The following MEF2A variants were observed in gnomAD, a reference collection of about 807,000 sequenced individuals.
The protein encoded by MEF2A is myocyte-specific enhancer factor 2A.
A neutral mutation model predicts 55.8 loss-of-function variants in MEF2A; 28 were observed. The observed-to-expected ratio is 0.50, with a 90% confidence interval of 0.37 to 0.69. The LOEUF (loss-of-function observed/expected upper bound fraction) is 0.69, where lower values mean the gene tolerates loss of function less well. Among genes scored for constraint, MEF2A ranks in the 30% least tolerant of loss-of-function variants. MEF2A has a pLI of 0.00. For synonymous variants in MEF2A, 239 were observed against 227.1 expected, an observed-to-expected ratio of 1.05 and a Z score of -0.47; for missense variants, 528 against 626.2, an observed-to-expected ratio of 0.84 and a Z score of 1.67.
chr15:99,645,958 G>C, intron 4 of MEF2A, 194 bp downstream of exon 4: 1 of 433,726 alleles, frequency 2.3e-6, no homozygotes, highest in Non-Finnish European at 4.1e-6. Context: ...TATTCATTCA[G>C]ACAAAGTAAA....
chr15:99,716,463 G>A lies in MEF2A; in HGVS notation c.*3692G>A, dbSNP rs1482916434. 2.2e-6 allele frequency: 1 copy of A among 456,710 alleles called. No homozygotes were observed. Among genetic ancestry groups the A allele is most frequent in the Non-Finnish European group, 4.4e-6 (1 of 226,998 alleles). 28.3% of individuals were successfully genotyped at this position (456,710 alleles called of 1,614,324 possible). A position where few individuals can be genotyped will look rare whatever the true frequency, so the allele number is the denominator to read the frequency against. Reference sequence around the variant, plus strand: ...CTGTTTGTCTCCCGCACTCACTCCAGTAAAGACGGACTGGCTCTTCCTGTG... The same window carrying A: ...CTGTTTGTCTCCCGCACTCACTCCAATAAAGACGGACTGGCTCTTCCTGTG... On this transcript the variant is annotated 3_prime_UTR_variant, in exon 12 of 12. Coordinates refer to ENST00000557942, the MANE Select transcript of MEF2A (RefSeq NM_001319206.4).
chr15:99,620,548 A>G (rs1041809960), intron 2 of MEF2A, among the ~76,000 whole-genome samples: 5 of 152,202 alleles, frequency 3.3e-5, no homozygotes, highest in African/African-American at 4.8e-5. Flanking sequence ...GTAGTGTTCC[A>G]TGGTGTATAT....
chr15:99,644,368 C>T (rs1029421251), intron 3 of MEF2A, among the ~76,000 whole-genome samples: 3 of 152,118 alleles, frequency 2.0e-5, no homozygotes, highest in African/African-American at 4.8e-5. Flanking sequence ...AATACAGAAA[C>T]ATCATTGAAT....
chr15:99,584,435 AC>A (rs1966788295), intron 1 of MEF2A, among the ~76,000 whole-genome samples: 1 of 152,186 alleles, frequency 6.6e-6, no homozygotes, highest in East Asian at 1.9e-4. Flanking sequence ...CACCCAAATG[AC>A]CATCAGTTGA....
At chr15:99,643,115 CTTGAGTT>C (rs2045318323) in intron 3 of MEF2A, among the ~76,000 whole-genome samples, 2 of 152,232 alleles carry the variant, frequency 1.3e-5, no homozygotes, top group African/African-American at 4.8e-5. Flanking sequence ...AAAGTTGAGT[CTTGAGTT>C]TTAATTATGT....
rs1251756640 is a variant in MEF2A, at chr15:99,714,431, T to TGCAGCTG, written c.*1662_*1668dup. On this transcript the variant is annotated 3_prime_UTR_variant, in exon 12 of 12. Transcript: ENST00000557942. ...CCTTGACCCTCTGAAAACAGAACGA[T>TGCAGCTG]GCAGCTGGTTACAAAATCCTACCGT... 8 of 152,234 alleles carry TGCAGCTG rather than the reference T, an allele frequency of 5.3e-5. No individual in the cohort carries two copies. The highest frequency in any genetic ancestry group is 1.7e-4 in the African/African-American group (7 of 41,466). 9.4% of individuals were successfully genotyped at this position (152,234 alleles called of 1,614,324 possible).
In MEF2A at chr15:99,712,504, C is replaced by CAG; in HGVS notation, c.1251_1252insAG (p.Gln418SerfsTer40). On this transcript the variant is annotated frameshift_variant, in exon 12 of 12. Transcript: ENST00000557942. LOFTEE classifies it high-confidence loss of function. The surrounding 1 kb of genome is among the most constrained non-coding windows in gnomAD (Gnocchi z 4.1). ...GGGATCGTATGACCCCATCGGGCTTCCAGCAGCAGCAGCAGCAGCAGCAGC... is the reference window on the plus strand; with the variant it reads ...GGGATCGTATGACCCCATCGGGCTTCAGCAGCAGCAGCAGCAGCAGCAGCAGC... 1.3e-6 allele frequency: 2 copies of CAG among 1,531,142 alleles called. No homozygotes were observed. The highest frequency in any genetic ancestry group is 5.0e-5 in the East Asian group (2 of 40,166). 94.8% of individuals were successfully genotyped at this position (1,531,142 alleles called of 1,614,324 possible).
At chr15:99,630,907 C>G (rs1323110767) in intron 2 of MEF2A, among the ~76,000 whole-genome samples, 2 of 152,160 alleles carry the variant, frequency 1.3e-5, no homozygotes, top group African/African-American at 4.8e-5. Flanking sequence ...GCCCACAGGT[C>G]TCTTGAAAGC....
At chr15:99,592,266 A>T (rs576265378) in intron 1 of MEF2A, among the ~76,000 whole-genome samples, 1 of 152,134 alleles carries the variant, frequency 6.6e-6, no homozygotes, top group East Asian at 1.9e-4. Flanking sequence ...AACATTCTGC[A>T]GTCTTATGTA....
At position 99,602,729 on chromosome 15, in the gene MEF2A, T is replaced by G. The variant is rs796380262; in HGVS notation, c.-143+4218T>G. Among the ~76,000 whole-genome samples, 159 of 18,758 alleles carry G rather than the reference T, an allele frequency of 8.5e-3. 11 individuals are homozygous for G. Among genetic ancestry groups the G allele is most frequent in the Non-Finnish European group, 0.012 (96 of 8,320 alleles). 12.3% of individuals were successfully genotyped at this position (18,758 alleles called of 152,430 possible). On this transcript the variant is annotated intron_variant, in intron 2 of 11. Transcript: ENST00000557942. ...GTGGGGAGCTTTTTGTGTGTGTGTG[T>G]GGGGGGGTGGGGGTGGGGAGCTTTT...
At position 99,690,153 on chromosome 15, in the gene MEF2A, C is replaced by T. The variant is rs185207400; in HGVS notation, c.671-88C>T. ...TGAGTTTTGTTATAAAATTTATTTG[C>T]AACTCAGACTGGGGAAAACTTGATT... On this transcript the variant is annotated intron_variant, in intron 7 of 11. Coordinates refer to ENST00000557942, the MANE Select transcript of MEF2A (RefSeq NM_001319206.4). The T allele has an allele frequency of 7.2e-6, 9 of 1,252,566 alleles. No individual in the cohort carries two copies. In the East Asian group the frequency reaches 1.8e-4, roughly 25 times the overall value. 77.6% of individuals were successfully genotyped at this position (1,252,566 alleles called of 1,614,324 possible). A position where few individuals can be genotyped will look rare whatever the true frequency, so the allele number is the denominator to read the frequency against.
chr15:99,620,215 CA>C (rs1212148304), intron 2 of MEF2A, among the ~76,000 whole-genome samples: 1 of 151,962 alleles, frequency 6.6e-6, no homozygotes, highest in East Asian at 1.9e-4. Flanking sequence ...ATTTTTGGTT[CA>C]GGGGTATGTG....
At chr15:99,681,943 T>G in intron 7 of MEF2A, 1 of 152,330 alleles carries the variant, frequency 6.6e-6, no homozygotes, top group Non-Finnish European at 1.5e-5. Flanking sequence ...ATTTTATAAC[T>G]GTTAGAATGT....
intron 1 of MEF2A, among the ~76,000 whole-genome samples, chr15:99,570,955 C>T (rs934011680): frequency 1.2e-4 from 19 of 152,066 alleles, no homozygotes; most frequent in Non-Finnish European, 2.5e-4. Context: ...GAGGTGGAGG[C>T]GGGCAGATCA....
At chr15:99,623,100 A>G (rs1215964555) in intron 2 of MEF2A, among the ~76,000 whole-genome samples, 1 of 151,518 alleles carries the variant, frequency 6.6e-6, no homozygotes, top group Non-Finnish European at 1.5e-5. Context: ...CTACCATTCT[A>G]CTCTATGTCT....
At position 99,705,827 on chromosome 15, in the gene MEF2A, A is replaced by T. The variant is rs927340052; in HGVS notation, c.883-902A>T. Among the ~76,000 whole-genome samples, 5 of 152,228 alleles carry T rather than the reference A, an allele frequency of 3.3e-5. No individual in the cohort carries two copies. The South Asian group carries it at 1.0e-3, about 32-fold the overall frequency. On this transcript the variant is annotated intron_variant, in intron 9 of 11. Transcript: ENST00000557942. ...CAGTTATCAGGCTGTAACATAATTT[A>T]TAAAAAACAAATAGAGTTGTGCTGT...
rs2059030968 is a variant in MEF2A, at chr15:99,715,109, T to A, written c.*2338T>A. The A allele has an allele frequency of 6.6e-6, 1 of 152,236 alleles. No homozygotes were observed. The highest frequency in any genetic ancestry group is 1.5e-5 in the Non-Finnish European group (1 of 68,050). The allele number at this position is 152,236 out of a possible 1,614,324, so 9.4% of individuals were successfully genotyped here. A position where few individuals can be genotyped will look rare whatever the true frequency, so the allele number is the denominator to read the frequency against. On this transcript the variant is annotated 3_prime_UTR_variant, in exon 12 of 12. Transcript: ENST00000557942. Reference sequence around the variant, plus strand: ...TTTACTGAACTACTTACAGGCACATTTCTTCATAAGGCCACACCTAATCCA... The same window carrying A: ...TTTACTGAACTACTTACAGGCACATATCTTCATAAGGCCACACCTAATCCA...
At chr15:99,663,350 A>G (rs1037675558) in intron 4 of MEF2A, among the ~76,000 whole-genome samples, 9 of 152,154 alleles carry the variant, frequency 5.9e-5, no homozygotes, top group Non-Finnish European at 1.0e-4. Context: ...GCACGTATAT[A>G]TATGCACACA....
chr15:99,666,261 A>G (rs1175027763), intron 4 of MEF2A, among the ~76,000 whole-genome samples: 3 of 152,192 alleles, frequency 2.0e-5, no homozygotes, highest in African/African-American at 7.2e-5. Context: ...GCAGCCATAA[A>G]AAAAAGAATG....
Sources: allele counts gnomAD v4.1 joint callset (sites outside exome capture counted in the v4.1 genomes callset), GRCh38; gene constraint gnomAD v4.1.1; non-coding constraint Gnocchi (gnomAD v3.1); transcripts MANE v1.5; gene names NCBI Gene and HGNC (gene_info 2026-07-23, HGNC 2026-07-21).